Variants in SYNE1 observed in about 807,000 individuals in gnomAD.
SYNE1 encodes the protein spectrin repeat containing nuclear envelope protein 1, also known as nesprin-1.
A neutral mutation model predicts 1,111.0 loss-of-function variants in SYNE1; 616 were observed. The ratio of observed to expected loss-of-function variants is 0.55; its 90% CI spans 0.52 to 0.59. SYNE1 has a LOEUF of 0.59. Among genes scored for constraint, SYNE1 ranks in the 20% least tolerant of loss-of-function variants. SYNE1 has a pLI of 0.00. For missense variants in SYNE1, 10,006 were observed against 10,417.0 expected (o/e 0.96, Z 1.72); for synonymous variants, 3,855 against 3,825.8 (o/e 1.01, Z -0.28).
intron 107 of SYNE1, 114 bp downstream of exon 107, chr6:152,242,126 C>G (rs913988800): frequency 9.4e-7 from 1 of 1,063,592 alleles, no homozygotes. Flanking sequence ...ATAACTTATA[C>G]AAGTAAGAAC....
At chr6:152,243,361 A>T (rs1431579992) in intron 106 of SYNE1, among the ~76,000 whole-genome samples, 1 of 152,236 alleles carries the variant, frequency 6.6e-6, no homozygotes, top group Admixed American at 6.5e-5. Flanking sequence ...TTAAGAAGGC[A>T]ATATTTTTGC....
intron 11 of SYNE1, among the ~76,000 whole-genome samples, chr6:152,495,236 T>C (rs2098992938): frequency 6.6e-6 from 1 of 152,174 alleles, no homozygotes; most frequent in Admixed American, 6.5e-5. Context: ...ATGCCCCGAG[T>C]CAGGAAACTA....
rs948638253 is a variant in SYNE1, at chr6:152,267,975, A to G, written c.18815+81T>C. ...AATTTTGCAGAAGATGTTTAAAATAAAATTTTGAGTGAGATGTTTACTTTT... is the reference window on the plus strand; with the variant it reads ...AATTTTGCAGAAGATGTTTAAAATAGAATTTTGAGTGAGATGTTTACTTTT... On this transcript the variant is annotated intron_variant, in intron 100 of 145. Coordinates refer to ENST00000367255, the MANE Select transcript of SYNE1 (RefSeq NM_182961.4). The G allele has an allele frequency of 5.4e-6, 7 of 1,298,624 alleles. No individual in the cohort carries two copies. In the African/African-American group the frequency reaches 8.7e-5, roughly 16 times the overall value. 80.4% of individuals were successfully genotyped at this position (1,298,624 alleles called of 1,614,324 possible). A position where few individuals can be genotyped will look rare whatever the true frequency, so the allele number is the denominator to read the frequency against.
intron 60 of SYNE1, 163 bp downstream of exon 60, chr6:152,369,308 A>G: frequency 1.5e-6 from 2 of 1,368,780 alleles, no homozygotes; most frequent in Non-Finnish European, 1.0e-6. Context: ...TCATACTTCC[A>G]AGGAAAGTCA....
At chr6:152,344,015 T>G in intron 74 of SYNE1, 66 bp downstream of exon 74, 1 of 1,606,166 alleles carries the variant, frequency 6.2e-7, no homozygotes, top group South Asian at 1.1e-5. Context: ...CATAGGTACT[T>G]CACACATTTT....
At chr6:152,307,158 A>C (rs1488189789) in intron 91 of SYNE1, among the ~76,000 whole-genome samples, 1 of 152,198 alleles carries the variant, frequency 6.6e-6, no homozygotes, top group South Asian at 2.1e-4. Flanking sequence ...TAACACTTTC[A>C]TTTAACCATT....
chr6:152,139,742 A>AAAGAAAGAAAGAAAGAAAGAAAGG (rs1562954833), intron 140 of SYNE1, among the ~76,000 whole-genome samples: 1 of 145,928 alleles, frequency 6.9e-6, no homozygotes, highest in South Asian at 2.2e-4. Flanking sequence ...AGAAAGAAAG[A>AAAGAAAGAAAGAAAGAAAGAAAGG]AAGAAAGAAA....
intron 22 of SYNE1, 70 bp from the exon 23 acceptor site, chr6:152,456,114 C>T: frequency 1.3e-6 from 2 of 1,519,306 alleles, no homozygotes; most frequent in Admixed American, 1.8e-5. Flanking sequence ...AAGAGAGTGA[C>T]CATTACAGAT....
In SYNE1 at chr6:152,256,857, A is replaced by AC; in HGVS notation, c.18973-93dup. The AC allele has an allele frequency of 5.1e-6, 8 of 1,570,460 alleles. No homozygotes were observed. The South Asian group carries it at 8.9e-5, about 17-fold the overall frequency. ...ATGCATACTGAAATAGATGCTGAAAACACTGTCCATATGAAAATTTCTTCT... is the reference window on the plus strand; with the variant it reads ...ATGCATACTGAAATAGATGCTGAAAACCACTGTCCATATGAAAATTTCTTCT... On this transcript the variant is annotated intron_variant, in intron 101 of 145. Coordinates refer to ENST00000367255, the MANE Select transcript of SYNE1 (RefSeq NM_182961.4).
intron 64 of SYNE1, among the ~76,000 whole-genome samples, chr6:152,361,702 G>A (rs1238577101): frequency 6.6e-6 from 1 of 152,104 alleles, no homozygotes; most frequent in Non-Finnish European, 1.5e-5. Context: ...CCAAAGGACT[G>A]TAAAACTTCA....
intron 49 of SYNE1, among the ~76,000 whole-genome samples, chr6:152,397,382 G>T (rs2097752620): frequency 6.6e-6 from 1 of 151,998 alleles, no homozygotes; most frequent in Non-Finnish European, 1.5e-5. Flanking sequence ...TTCTTTTCCT[G>T]GTCTGCATCT....
At position 152,430,124 on chromosome 6, in the gene SYNE1, A is replaced by T; in HGVS notation, c.4776T>A (p.Leu1592=). The T allele has an allele frequency of 6.3e-7, 1 of 1,595,748 alleles. No individual in the cohort carries two copies. Among genetic ancestry groups the T allele is most frequent in the South Asian group, 1.1e-5 (1 of 89,430 alleles). The change falls in exon 36 of 146, where the codon CTT becomes CTA. Residue 1592 remains leucine, a synonymous_variant. Transcript: ENST00000367255. The part of the protein sequence containing the change: ...CSSATETYKV[L]QEHMDLCQAL... ...AGCATACTCTTACCATATGTTCTTG[A>T]AGAACTTTGTATGTTTCTGTAGCTG... is the stretch of plus-strand genomic sequence containing the variant.
Position 152,300,650 on chromosome 6 carries a change from A to C in SYNE1, c.17673T>G (p.Ser5891=), listed in dbSNP as rs1478187244. The part of the protein sequence containing the change: ...SPSPVANTDA[S]VNQDIAYYQA... ...GCCAACTGGGAGGTACCTGGTTAAC[A>C]GAAGCATCTGTATTAGCCACAGGTG... Residue 5891 remains serine (S), a synonymous_variant, in exon 93 of 146, where the codon TCT becomes TCG. Transcript: ENST00000367255. 6.2e-7 allele frequency: 1 copy of C among 1,614,210 alleles called. No homozygotes were observed. The highest frequency in any genetic ancestry group is 8.5e-7 in the Non-Finnish European group (1 of 1,180,042).
intron 100 of SYNE1, among the ~76,000 whole-genome samples, chr6:152,267,678 T>C (rs1306175018): frequency 1.3e-5 from 2 of 152,356 alleles, no homozygotes; most frequent in Non-Finnish European, 2.9e-5. Flanking sequence ...ATTTATTTTT[T>C]AGAATGTTGT....
intron 8 of SYNE1, among the ~76,000 whole-genome samples, chr6:152,509,781 T>C (rs938170536): frequency 2.6e-5 from 4 of 152,312 alleles, no homozygotes; most frequent in African/African-American, 7.2e-5. Context: ...TTTTGGAATG[T>C]GTACCTTAGT....
intron 73 of SYNE1, among the ~76,000 whole-genome samples, chr6:152,344,561 G>A (rs2096597999): frequency 6.6e-6 from 1 of 152,164 alleles, no homozygotes; most frequent in African/African-American, 2.4e-5. Context: ...AGAGGTTTTT[G>A]CAGCTTCTCT....
intron 61 of SYNE1, chr6:152,368,137 A>C (rs2097113076): frequency 6.5e-6 from 1 of 152,700 alleles, no homozygotes; most frequent in Non-Finnish European, 1.5e-5. Context: ...CCAAATGAGC[A>C]GACCCTCTGT....
In SYNE1 at chr6:152,326,382, T is replaced by A; in HGVS notation, c.15207A>T (p.Glu5069Asp). 6.2e-7 allele frequency: 1 copy of A among 1,614,210 alleles called. No homozygotes were observed. ...LDPLIKPTGK[E>D]DLEQKVASLE... ...GAGAAGCCACTTTCTGTTCTAGGTC[T>A]TCTTTGCCGGTTGGCTTGATGAGTG... Residue 5069 changes from glutamate to aspartate, a missense_variant, in exon 79 of 146, where the codon GAA (glutamate) becomes GAT (aspartate). By Grantham distance (45) the Glu-to-Asp change is conservative. Transcript: ENST00000367255.
intron 119 of SYNE1, among the ~76,000 whole-genome samples, chr6:152,220,105 C>T (rs1383597174): frequency 6.6e-6 from 1 of 152,138 alleles, no homozygotes; most frequent in Admixed American, 6.5e-5. Context: ...TTTTAAAATA[C>T]CCATCTTTAG....
Sources: allele counts gnomAD v4.1 joint callset (sites outside exome capture counted in the v4.1 genomes callset), GRCh38; gene constraint gnomAD v4.1.1; transcripts MANE v1.5; gene names NCBI Gene and HGNC (gene_info 2026-07-23, HGNC 2026-07-21).